NUS1: variants seen among roughly 807,000 people sequenced by gnomAD.
NUS1 encodes the protein dehydrodolichyl diphosphate synthase complex subunit NUS1.
For missense variants in NUS1, 292 were observed against 382.9 expected, an observed-to-expected ratio of 0.76 and a Z score of 1.98; for synonymous variants, 135 against 155.2, an observed-to-expected ratio of 0.87 and a Z score of 0.97.
chr6:117,679,454 C>G (rs982963225), intron 1 of NUS1, among the ~76,000 whole-genome samples: 1 of 152,168 alleles, frequency 6.6e-6, no homozygotes, highest in African/African-American at 2.4e-5. Flanking sequence ...GCTTGGACAG[C>G]TATTCTGGTT....
chr6:117,679,852 A>T (rs1323814041), intron 1 of NUS1, among the ~76,000 whole-genome samples: 1 of 152,236 alleles, frequency 6.6e-6, no homozygotes. Context: ...TTCTGCATCA[A>T]GAAAGTGGAG....
At chr6:117,701,646 A>G (rs558514908) in intron 3 of NUS1, among the ~76,000 whole-genome samples, 9 of 152,216 alleles carry the variant, frequency 5.9e-5, no homozygotes, top group Non-Finnish European at 1.3e-4. Flanking sequence ...GCTGTTGTTA[A>G]TGGAATTATG....
At chr6:117,683,232 A>G in intron 1 of NUS1, among the ~76,000 whole-genome samples, 1 of 152,188 alleles carries the variant, frequency 6.6e-6, no homozygotes, top group Non-Finnish European at 1.5e-5. Context: ...ATACTTTGTC[A>G]CCATTACACA....
At chr6:117,706,848 T>A in intron 4 of NUS1, 77 bp from the exon 5 acceptor site, 1 of 1,129,832 alleles carries the variant, frequency 8.9e-7, no homozygotes, top group Non-Finnish European at 1.3e-6. Context: ...AACTTCTTTT[T>A]GGTCCTTATC....
chr6:117,693,945 GTTT>G (rs1017200069), intron 2 of NUS1, 83 bp from the exon 3 acceptor site: 70 of 1,453,860 alleles, frequency 4.8e-5, no homozygotes, highest in Non-Finnish European at 7.4e-6. Context: ...GTTTATTTTG[GTTT>G]AACCTTGTAT....
chr6:117,687,037 T>C (rs191893835), intron 1 of NUS1, among the ~76,000 whole-genome samples: 110 of 152,348 alleles, frequency 7.2e-4, no homozygotes, highest in Middle Eastern at 3.4e-3. Context: ...CTCTTAGCAA[T>C]TCTCAGAAAC....
intron 1 of NUS1, among the ~76,000 whole-genome samples, chr6:117,689,375 A>G (rs780270977): frequency 8.5e-5 from 13 of 152,186 alleles, no homozygotes; most frequent in Non-Finnish European, 1.9e-4. Flanking sequence ...AAAGAGTATC[A>G]AAGGAGGGGA....
At position 117,693,082 on chromosome 6, in the gene NUS1, T is replaced by G. The variant is rs1040306334; in HGVS notation, c.456T>G (p.Ile152Met). 6.2e-7 allele frequency: 1 copy of G among 1,609,926 alleles called. No homozygotes were observed. The highest frequency in any genetic ancestry group is 8.5e-7 in the Non-Finnish European group (1 of 1,176,610). The change falls in exon 2 of 5, where the codon ATT becomes ATG. Residue 152 changes from isoleucine to methionine, a missense_variant. Transcript: ENST00000368494. The part of the protein sequence containing the change: ...KRNNSRLMDE[I>M]LKQQQELLGL... ...ATAATTCCAGATTGATGGATGAAATTTTAAAACAACAGCAAGAACTTCTGG... is the reference window on the plus strand; with the variant it reads ...ATAATTCCAGATTGATGGATGAAATGTTAAAACAACAGCAAGAACTTCTGG...
rs757966648 is a variant in NUS1, at chr6:117,675,697, G to T, written c.27G>T (p.Trp9Cys). ...TGACGGGGCTGTACGAGCTGGTGTGGCGGGTGCTGCACGCGCTGCTCTGTC... is the reference window on the plus strand; with the variant it reads ...TGACGGGGCTGTACGAGCTGGTGTGTCGGGTGCTGCACGCGCTGCTCTGTC... MTGLYELV[W>C]RVLHALLCLH... is the part of the protein sequence containing the mutation. The change falls in exon 1 of 5, where the codon TGG (tryptophan) becomes TGT (cysteine). Residue 9 changes from tryptophan (W) to cysteine (C), a missense_variant. By Grantham distance (215) the Trp-to-Cys change is radical. Coordinates refer to ENST00000368494, the MANE Select transcript of NUS1 (RefSeq NM_138459.5). 6.6e-7 allele frequency: 1 copy of T among 1,508,288 alleles called. No individual in the cohort carries two copies. The highest frequency in any genetic ancestry group is 1.2e-5 in the South Asian group (1 of 80,706). 93.4% of individuals were successfully genotyped at this position (1,508,288 alleles called of 1,614,324 possible).
chr6:117,709,598 G>C lies in NUS1; in HGVS notation c.*2583G>C, dbSNP rs1773548120. The stretch of plus-strand genomic sequence containing the variant: ...TGTGCATATCTGCAATTTAATCTTT[G>C]AATGTATGTTACTGGATTAGCTCCC... On this transcript the variant is annotated 3_prime_UTR_variant, in exon 5 of 5. Transcript: ENST00000368494. The C allele has an allele frequency of 6.6e-6, 1 of 151,170 alleles. No individual in the cohort carries two copies. The highest frequency in any genetic ancestry group is 6.6e-5 in the Admixed American group (1 of 15,104). The allele number at this position is 151,170 out of a possible 1,614,324, so 9.4% of individuals were successfully genotyped here.
chr6:117,707,778 C>G lies in NUS1; in HGVS notation c.*763C>G, dbSNP rs1182032957. On this transcript the variant is annotated 3_prime_UTR_variant, in exon 5 of 5. Transcript: ENST00000368494. Reference sequence around the variant, plus strand: ...ATTATTTGAAAAATAACTCCTACTACATTGAAATGCAGACTTAAAAATTTA... The same window carrying G: ...ATTATTTGAAAAATAACTCCTACTAGATTGAAATGCAGACTTAAAAATTTA... The G allele has an allele frequency of 6.6e-6, 1 of 152,358 alleles. No individual in the cohort carries two copies. Among genetic ancestry groups the G allele is most frequent in the Non-Finnish European group, 1.5e-5 (1 of 67,984 alleles). 9.4% of individuals were successfully genotyped at this position (152,358 alleles called of 1,614,324 possible).
At chr6:117,694,481 GC>G (rs1279413571) in intron 3 of NUS1, among the ~76,000 whole-genome samples, 6 of 151,816 alleles carry the variant, frequency 4.0e-5, no homozygotes, top group Non-Finnish European at 5.9e-5. Context: ...CTGCTTGTTA[GC>G]CTTCCTCTCC....
chr6:117,706,815 A>C, intron 4 of NUS1, 110 bp from the exon 5 acceptor site: 1 of 794,644 alleles, frequency 1.3e-6, no homozygotes, highest in Non-Finnish European at 2.2e-6. Context: ...CTGGTGGAGG[A>C]TAATTTGGTG....
rs1318907863 is a variant in NUS1 at position 117,708,618 on chromosome 6, CA to C, written c.*1604del. The C allele has an allele frequency of 1.3e-5, 2 of 151,708 alleles. No homozygotes were observed. Among genetic ancestry groups the C allele is most frequent in the African/African-American group, 4.9e-5 (2 of 41,182 alleles). The allele number at this position is 151,708 out of a possible 1,614,324, so 9.4% of individuals were successfully genotyped here. ...GGTCCAGTGACATTACTTTGCACTG[CA>C]TAATCCATTATACGTTGTACGACTT... On this transcript the variant is annotated 3_prime_UTR_variant, in exon 5 of 5. Transcript: ENST00000368494.
chr6:117,681,711 T>C (rs1365105083), intron 1 of NUS1, among the ~76,000 whole-genome samples: 1 of 152,218 alleles, frequency 6.6e-6, no homozygotes, highest in East Asian at 1.9e-4. Context: ...AAGGGAGCAT[T>C]CTATTCTTAA....
At position 117,708,758 on chromosome 6, in the gene NUS1, G is replaced by T. The variant is rs1773535395; in HGVS notation, c.*1743G>T. 2.6e-5 allele frequency: 4 copies of T among 152,264 alleles called. No homozygotes were observed. The highest frequency in any genetic ancestry group is 9.7e-5 in the African/African-American group (4 of 41,332). The allele number at this position is 152,264 out of a possible 1,614,324, so 9.4% of individuals were successfully genotyped here. A position where few individuals can be genotyped will look rare whatever the true frequency, so the allele number is the denominator to read the frequency against. On this transcript the variant is annotated 3_prime_UTR_variant, in exon 5 of 5. Coordinates refer to ENST00000368494, the MANE Select transcript of NUS1 (RefSeq NM_138459.5). The stretch of plus-strand genomic sequence containing the variant: ...TATATTATATTGAGGCATTTGTAGT[G>T]CAGCTGAAGACTGAATTTATGCCTT...
chr6:117,686,393 G>T (rs1773140822), intron 1 of NUS1, among the ~76,000 whole-genome samples: 1 of 152,064 alleles, frequency 6.6e-6, no homozygotes, highest in Non-Finnish European at 1.5e-5. Context: ...GTTTAGTATT[G>T]TTCCTTTATC....
chr6:117,677,446 T>C (rs1773000326), intron 1 of NUS1, among the ~76,000 whole-genome samples: 1 of 152,220 alleles, frequency 6.6e-6, no homozygotes, highest in South Asian at 2.1e-4. Context: ...CATTGGAATT[T>C]CTTTAAAGAT....
chr6:117,686,932 A>T (rs1453466642), intron 1 of NUS1, among the ~76,000 whole-genome samples: 1 of 151,042 alleles, frequency 6.6e-6, no homozygotes, highest in Non-Finnish European at 1.5e-5. Flanking sequence ...CTGTAAGCTG[A>T]TAATATTGCT....
Sources: allele counts gnomAD v4.1 joint callset (sites outside exome capture counted in the v4.1 genomes callset), GRCh38; gene constraint gnomAD v4.1.1; transcripts MANE v1.5; gene names NCBI Gene and HGNC (gene_info 2026-07-23, HGNC 2026-07-21).